Variants in MASP1 observed in about 807,000 individuals in gnomAD.
MASP1 encodes the protein MBL associated serine protease 1.
A neutral mutation model predicts 77.1 loss-of-function variants in MASP1; 59 were observed. The observed-to-expected ratio is 0.77, with a 90% CI of 0.62 to 0.95. The LOEUF (loss-of-function observed/expected upper bound fraction) is 0.95. Among genes scored for constraint, MASP1 ranks in the 40% least tolerant of loss-of-function variants. The pLI, the probability that MASP1 is intolerant of heterozygous loss-of-function variation, is 0.00. For synonymous variants in MASP1, 362 were observed against 354.5 expected, an observed-to-expected ratio of 1.02 and a Z score of -0.24; for missense variants, 885 against 912.9, an observed-to-expected ratio of 0.97 and a Z score of 0.39.
intron 6 of MASP1, 135 bp from the exon 7 acceptor site, chr3:187,251,887 GC>G: frequency 1.3e-6 from 1 of 743,368 alleles, no homozygotes; most frequent in South Asian, 1.5e-5. Flanking sequence ...GATCTTCCAA[GC>G]CCTGCAAGAG....
At chr3:187,258,356 C>T (rs1052776215) in intron 4 of MASP1, among the ~76,000 whole-genome samples, 15 of 152,202 alleles carry the variant, frequency 9.9e-5, no homozygotes, top group African/African-American at 3.1e-4. Context: ...CCTGAAAGGA[C>T]GTTTAGACCC....
chr3:187,262,504 G>C (rs1300815258), intron 3 of MASP1, 39 bp downstream of exon 3: 2 of 1,606,954 alleles, frequency 1.2e-6, no homozygotes, highest in Non-Finnish European at 1.7e-6. Context: ...TTCGGAGAGA[G>C]AGAGAGAGAC....
intron 2 of MASP1, among the ~76,000 whole-genome samples, chr3:187,278,700 T>C (rs1717163740): frequency 1.3e-5 from 2 of 152,206 alleles, no homozygotes; most frequent in African/African-American, 4.8e-5. Flanking sequence ...CTCTGATTCC[T>C]CCTTTTTCCT....
chr3:187,236,385 C>T lies in MASP1; in HGVS notation c.1486G>A (p.Ala496Thr). 1 of 1,614,224 alleles carries T rather than the reference C, an allele frequency of 6.2e-7. No individual in the cohort carries two copies. The highest frequency in any genetic ancestry group is 8.5e-7 in the Non-Finnish European group (1 of 1,180,042). Reference sequence around the variant, plus strand: ...CTACGCTGGGAGCGCAGCACATGAGCTGCTGTGAGGATCCAGGACGCAGAG... The same window carrying T: ...CTACGCTGGGAGCGCAGCACATGAGTTGCTGTGAGGATCCAGGACGCAGAG... ...LLSASWILTA[A>T]HVLRSQRRDT... The change falls in exon 11 of 11, where the codon GCT becomes ACT. Residue 496 changes from alanine to threonine, a missense_variant. Physicochemically the swap from Ala to Thr is moderately conservative, Grantham distance 58 (BLOSUM62 0). Transcript: ENST00000296280.
Position 187,260,829 on chromosome 3 carries a change from A to G in MASP1, c.459T>C (p.Cys153=). 1 of 1,614,170 alleles carries G rather than the reference A, an allele frequency of 6.2e-7. No homozygotes were observed. The highest frequency in any genetic ancestry group is 8.5e-7 in the Non-Finnish European group (1 of 1,180,014). Residue 153 remains cysteine (C), a synonymous_variant, in exon 4 of 11, where the codon TGT becomes TGC. Coordinates refer to ENST00000296280, the MANE Select transcript of MASP1 (RefSeq NM_139125.4). The part of the protein sequence containing the change: ...CKEREDEELS[C]DHYCHNYIGG... ...CAATGTAGTTGTGGCAGTAGTGGTCACAGGACAGCTCCTCGTCCTCCCTCT... is the reference window on the plus strand; with the variant it reads ...CAATGTAGTTGTGGCAGTAGTGGTCGCAGGACAGCTCCTCGTCCTCCCTCT...
intron 1 of MASP1, among the ~76,000 whole-genome samples, chr3:187,289,789 T>C (rs1286203537): frequency 1.3e-5 from 2 of 152,178 alleles, no homozygotes; most frequent in African/African-American, 2.4e-5. Flanking sequence ...CAAATTTGAA[T>C]CTGGACCTTT....
Position 187,243,588 on chromosome 3 carries a change from T to C in MASP1, c.1124A>G (p.His375Arg). 6.2e-7 allele frequency: 1 copy of C among 1,614,232 alleles called. No homozygotes were observed. Among genetic ancestry groups the C allele is most frequent in the Non-Finnish European group, 8.5e-7 (1 of 1,180,040 alleles). The change falls in exon 9 of 11, where the codon CAC becomes CGC. Residue 375 changes from histidine (H) to arginine (R), a missense_variant. Coordinates refer to ENST00000296280, the MANE Select transcript of MASP1 (RefSeq NM_139125.4). ...VDCRAPGELE[H>R]GLITFSTRNN... ...CCTTGTAGAGAAGGTGATCAGCCCG[T>C]GTTCCAGCTCTCCTGGGGCTCTACA...
rs1379514427 is a variant in MASP1, at chr3:187,235,618, A to T, written c.*66T>A. 1 of 1,605,978 alleles carries T rather than the reference A, an allele frequency of 6.2e-7. No individual in the cohort carries two copies. The highest frequency in any genetic ancestry group is 1.3e-5 in the African/African-American group (1 of 74,854). ...CCATATGGTCTGATAAGTAATGTGG[A>T]GTGTGCTGTCGGAAGTGCGGTGTAG... On this transcript the variant is annotated 3_prime_UTR_variant, in exon 11 of 11. Coordinates refer to ENST00000296280, the MANE Select transcript of MASP1 (RefSeq NM_139125.4).
intron 2 of MASP1, among the ~76,000 whole-genome samples, chr3:187,277,435 A>AT (rs1242394535): frequency 1.3e-5 from 2 of 152,260 alleles, no homozygotes; most frequent in East Asian, 1.9e-4. Context: ...TTTAAAAAAC[A>AT]TTTTTTTCTC....
At chr3:187,257,219 C>T (rs1715165152) in intron 4 of MASP1, among the ~76,000 whole-genome samples, 1 of 152,038 alleles carries the variant, frequency 6.6e-6, no homozygotes, top group Admixed American at 6.5e-5. Flanking sequence ...TCCCTGTACC[C>T]AGAACTTCAG....
At chr3:187,247,663 GCCTGCA>G (rs1245625626) in intron 8 of MASP1, among the ~76,000 whole-genome samples, 1 of 152,172 alleles carries the variant, frequency 6.6e-6, no homozygotes, top group Non-Finnish European at 1.5e-5. Context: ...AGGGAGCTTT[GCCTGCA>G]TCTGGTCCAA....
chr3:187,251,940 C>G (rs1205059762), intron 6 of MASP1, among the ~76,000 whole-genome samples, 188 bp from the exon 7 acceptor site: 2 of 152,216 alleles, frequency 1.3e-5, no homozygotes, highest in Non-Finnish European at 2.9e-5. Flanking sequence ...CCAACTTGGA[C>G]CACCATGTCC....
chr3:187,236,966 G>A (rs1713239100), intron 10 of MASP1, among the ~76,000 whole-genome samples: 2 of 152,150 alleles, frequency 1.3e-5, no homozygotes, highest in Non-Finnish European at 2.9e-5. Flanking sequence ...CCATGCTATG[G>A]GAACCTAGAA....
At chr3:187,241,808 G>T in intron 9 of MASP1, 1 of 426,910 alleles carries the variant, frequency 2.3e-6, no homozygotes, top group Non-Finnish European at 4.4e-6. Context: ...AATACCCACA[G>T]GGCTACCATC....
At chr3:187,248,624 C>G (rs978685293) in intron 8 of MASP1, among the ~76,000 whole-genome samples, 1 of 152,178 alleles carries the variant, frequency 6.6e-6, no homozygotes, top group Non-Finnish European at 1.5e-5. Flanking sequence ...CAGCACTGCA[C>G]CTCGAGCCTC....
At chr3:187,285,689 T>C (rs549886494) in intron 2 of MASP1, 136 bp downstream of exon 2, 124 of 758,028 alleles carry the variant, frequency 1.6e-4, no homozygotes, top group South Asian at 1.5e-3. Flanking sequence ...GCTTTCCACC[T>C]TGACCTGAAT....
At chr3:187,289,328 A>G (rs1718115701) in intron 1 of MASP1, among the ~76,000 whole-genome samples, 1 of 152,176 alleles carries the variant, frequency 6.6e-6, no homozygotes, top group African/African-American at 2.4e-5. Context: ...TTTGAATTGA[A>G]GAGTTGGAAG....
At chr3:187,226,609 A>C (rs1712451005) in intron 11 of MASP1, 1 of 886,602 alleles carries the variant, frequency 1.1e-6, no homozygotes, top group Non-Finnish European at 1.8e-6. Context: ...GCTACTCCAG[A>C]GGACCCCTCA....
chr3:187,238,605 TA>T (rs894775754), intron 10 of MASP1, among the ~76,000 whole-genome samples: 19 of 152,086 alleles, frequency 1.2e-4, no homozygotes, highest in Non-Finnish European at 2.5e-4. Context: ...GGAGGGTCTT[TA>T]AAAAAATGTG....
Sources: gnomAD v4.1 joint callset for allele counts (sites outside exome capture counted in the v4.1 genomes callset) on GRCh38, gnomAD v4.1.1 for gene constraint, MANE v1.5 for transcripts, NCBI Gene and HGNC (gene_info 2026-07-23, HGNC 2026-07-21) for gene names.